The following MAN2A1 variants were observed in gnomAD, a reference collection of about 807,000 sequenced individuals.
The protein encoded by MAN2A1 is alpha-mannosidase 2.
In MAN2A1, 76 loss-of-function variants were observed where a neutral mutation model predicts 142.6. The observed-to-expected ratio is 0.53, with a 90% CI of 0.44 to 0.65. The LOEUF is 0.65. MAN2A1 is among the 30% of genes least tolerant of loss of function. MAN2A1 has a pLI of 0.00. For missense variants in MAN2A1, 1,311 were observed against 1,365.1 expected, an observed-to-expected ratio of 0.96 and a Z score of 0.62; for synonymous variants, 559 against 473.2, an observed-to-expected ratio of 1.18 and a Z score of -2.35.
chr5:109,767,849 T>C (rs530858656), intron 6 of MAN2A1, 141 bp downstream of exon 6: 17 of 647,460 alleles, frequency 2.6e-5, no homozygotes, highest in Non-Finnish European at 3.7e-5. Context: ...CTCGTAATTA[T>C]TTTTCCCATG....
At chr5:109,721,820 C>G (rs917120586) in intron 3 of MAN2A1, among the ~76,000 whole-genome samples, 6 of 152,208 alleles carry the variant, frequency 3.9e-5, no homozygotes, top group Non-Finnish European at 8.8e-5. Context: ...GTCTGTCTTT[C>G]AAGCCTGGGT....
In MAN2A1 at chr5:109,774,941, T is replaced by A; in HGVS notation, c.1350T>A (p.Asn450Lys). 1 of 1,607,124 alleles carries A rather than the reference T, an allele frequency of 6.2e-7. No individual in the cohort carries two copies. Among genetic ancestry groups the A allele is most frequent in the Non-Finnish European group, 8.5e-7 (1 of 1,176,334 alleles). The change falls in exon 8 of 22, where the codon AAT becomes AAA. Residue 450 changes from asparagine (N) to lysine (K), a missense_variant. By Grantham distance (94) the Asn-to-Lys change is moderately conservative. Coordinates refer to ENST00000261483, the MANE Select transcript of MAN2A1 (RefSeq NM_002372.4). ...ATCAGCAGCTTTTTGATTATATGAA[T>A]TCTCAGTCCAAGTTTAAAGTTAAGG... Reference protein sequence around the residue: ...KNYQQLFDYMNSQSKFKVKIQ... With the variant: ...KNYQQLFDYMKSQSKFKVKIQ...
intron 10 of MAN2A1, among the ~76,000 whole-genome samples, chr5:109,785,720 G>A (rs577633563): frequency 1.3e-5 from 2 of 152,082 alleles, no homozygotes; most frequent in South Asian, 4.2e-4. Flanking sequence ...GATCAGTGCA[G>A]GGGGCATTCC....
intron 19 of MAN2A1, among the ~76,000 whole-genome samples, chr5:109,848,848 TTC>T (rs1037408497): frequency 8.5e-5 from 13 of 152,222 alleles, no homozygotes; most frequent in African/African-American, 3.1e-4. Context: ...TGCTATCCTC[TTC>T]TCTCCTACCC....
At chr5:109,860,198 GA>G (rs202240018) in intron 20 of MAN2A1, among the ~76,000 whole-genome samples, 30 of 151,250 alleles carry the variant, frequency 2.0e-4, no homozygotes, top group African/African-American at 2.4e-4. Context: ...AAAATTGTGA[GA>G]AAAAAAAATT....
chr5:109,827,183 G>T (rs78846627), intron 16 of MAN2A1, among the ~76,000 whole-genome samples: 2 of 152,126 alleles, frequency 1.3e-5, no homozygotes, highest in African/African-American at 2.4e-5. Flanking sequence ...AATGTTTTAT[G>T]ATTACATACT....
At chr5:109,776,712 G>A (rs1753302590) in intron 8 of MAN2A1, among the ~76,000 whole-genome samples, 1 of 152,076 alleles carries the variant, frequency 6.6e-6, no homozygotes. Flanking sequence ...TCCAGATTAA[G>A]GCTTAGAACT....
rs769401974 is a variant in MAN2A1, at chr5:109,789,468, A to G, written c.1884A>G (p.Lys628=). The change falls in exon 12 of 22, where the codon AAA becomes AAG. Residue 628 remains lysine, a synonymous_variant. Coordinates refer to ENST00000261483, the MANE Select transcript of MAN2A1 (RefSeq NM_002372.4). ...SPDTFLEMDL[K]QKSQDSLPQK... ...ACTGTTCATTTTTATAGGATTTGAA[A>G]CAAAAATCACAAGATTCTCTGCCAC... The G allele has an allele frequency of 1.9e-6, 3 of 1,581,008 alleles. No individual in the cohort carries two copies. In the East Asian group the frequency reaches 6.8e-5, roughly 36 times the overall value.
chr5:109,726,726 C>G (rs955881258), intron 3 of MAN2A1, among the ~76,000 whole-genome samples: 1 of 152,114 alleles, frequency 6.6e-6, no homozygotes, highest in African/African-American at 2.4e-5. Context: ...AAAAAACATA[C>G]AAAAAAACTT....
intron 20 of MAN2A1, among the ~76,000 whole-genome samples, chr5:109,860,006 C>G (rs745470709): frequency 6.8e-6 from 1 of 146,864 alleles, no homozygotes; most frequent in Non-Finnish European, 1.5e-5. Context: ...TTAACTGTTT[C>G]TTGCAAATAG....
At chr5:109,838,066 A>G (rs1755102575) in intron 16 of MAN2A1, among the ~76,000 whole-genome samples, 1 of 152,114 alleles carries the variant, frequency 6.6e-6, no homozygotes, top group Non-Finnish European at 1.5e-5. Flanking sequence ...GATTAAAAAA[A>G]AAAAAAATCC....
chr5:109,866,746 T>G, intron 21 of MAN2A1, 100 bp from the exon 22 acceptor site: 1 of 690,308 alleles, frequency 1.4e-6, no homozygotes, highest in Non-Finnish European at 2.4e-6. Context: ...TTCAACATAC[T>G]GTTTTATTCC....
intron 1 of MAN2A1, among the ~76,000 whole-genome samples, chr5:109,693,978 T>C (rs1341204573): frequency 2.6e-5 from 4 of 152,228 alleles, no homozygotes; most frequent in South Asian, 2.1e-4. Flanking sequence ...GGAGAAACTT[T>C]GTTAAGGTCT....
At chr5:109,694,758 A>G (rs1454139567) in intron 1 of MAN2A1, among the ~76,000 whole-genome samples, 1 of 152,118 alleles carries the variant, frequency 6.6e-6, no homozygotes, top group Non-Finnish European at 1.5e-5. Context: ...GTTATTAATG[A>G]AAGTTGACTC....
intron 10 of MAN2A1, 31 bp from the exon 11 acceptor site, chr5:109,788,903 T>G (rs1753666751): frequency 3.0e-6 from 3 of 1,002,250 alleles, no homozygotes; most frequent in African/African-American, 1.6e-5. Flanking sequence ...TTTAAATTGT[T>G]TCTCAGACTA....
At chr5:109,823,682 A>G (rs1754685677) in intron 15 of MAN2A1, 41 bp from the exon 16 acceptor site, 2 of 1,031,944 alleles carry the variant, frequency 1.9e-6, no homozygotes, top group African/African-American at 3.2e-5. Context: ...AAAAGTTTGG[A>G]AGCCAAAATA....
chr5:109,792,433 C>T (rs946777306), intron 12 of MAN2A1, among the ~76,000 whole-genome samples: 1 of 151,892 alleles, frequency 6.6e-6, no homozygotes, highest in Admixed American at 6.6e-5. Context: ...ATTTCCTATG[C>T]CCCTTATTTA....
At chr5:109,747,853 A>G (rs915193568) in intron 4 of MAN2A1, among the ~76,000 whole-genome samples, 1 of 152,178 alleles carries the variant, frequency 6.6e-6, no homozygotes, top group African/African-American at 2.4e-5. Context: ...GCTGTTTTCC[A>G]TACTACTGTA....
intron 12 of MAN2A1, 63 bp downstream of exon 12, chr5:109,789,590 G>T: frequency 2.6e-6 from 3 of 1,161,536 alleles, no homozygotes; most frequent in Non-Finnish European, 3.6e-6. Flanking sequence ...TGGTTTTATG[G>T]TTCTGGTTTT....
Sources: allele counts gnomAD v4.1 joint callset (sites outside exome capture counted in the v4.1 genomes callset), GRCh38; gene constraint gnomAD v4.1.1; transcripts MANE v1.5; gene names NCBI Gene and HGNC (gene_info 2026-07-23, HGNC 2026-07-21).